MAN2C1: variants seen among roughly 807,000 people sequenced by gnomAD.
MAN2C1 encodes mannosidase alpha class 2C member 1.
Under a neutral mutation model 126.9 loss-of-function variants are expected in MAN2C1, and 111 were observed. That is an observed-to-expected ratio of 0.87 (90% CI 0.75 to 1.02). MAN2C1 has a LOEUF of 1.02. Ranked by LOEUF, MAN2C1 falls within the 50% of genes least tolerant of loss-of-function variation. MAN2C1 has a pLI of 0.00. For missense variants in MAN2C1, 1,363 were observed against 1,364.4 expected (o/e 1.00, Z 0.02); for synonymous variants, 567 against 561.5 (o/e 1.01, Z -0.14).
At chr15:75,367,753 T>G in intron 2 of MAN2C1, 119 bp from the exon 3 acceptor site, 1 of 1,326,630 alleles carries the variant, frequency 7.5e-7, no homozygotes, top group Non-Finnish European at 1.0e-6. Flanking sequence ...CACAAGGTAC[T>G]CAGCTTTGAG....
chr15:75,356,667 G>C lies in MAN2C1; in HGVS notation c.2676C>G (p.Ala892=). The change falls in exon 23 of 26, where the codon GCC becomes GCG. Residue 892 remains alanine, a synonymous_variant. Transcript: ENST00000267978. The surrounding 1 kb of genome is among the most constrained non-coding windows in gnomAD (Gnocchi z 5.8). ...GCCCCGTGTCAGCAGTAGCGTCCGGGGCTTTAGGCGCCCGCAAGCTGGGGT... is the reference window on the plus strand; with the variant it reads ...GCCCCGTGTCAGCAGTAGCGTCCGGCGCTTTAGGCGCCCGCAAGCTGGGGT... The part of the protein sequence containing the change: ...LSLSLLRAPK[A]PDATADTGRH... 1 of 1,587,568 alleles carries C rather than the reference G, an allele frequency of 6.3e-7. No homozygotes were observed. Among genetic ancestry groups the C allele is most frequent in the Admixed American group, 1.8e-5 (1 of 55,134 alleles).
rs1050877497 is a variant in MAN2C1 at position 75,368,368 on chromosome 15, C to T, written c.101+115G>A. ...CCTCCTCCCCGGCCCCTGCCCTGCCCGCGGCGGGCACTTTGTCCCGCGGCC... is the reference window on the plus strand; with the variant it reads ...CCTCCTCCCCGGCCCCTGCCCTGCCTGCGGCGGGCACTTTGTCCCGCGGCC... On this transcript the variant is annotated intron_variant, in intron 1 of 25. Transcript: ENST00000267978. The T allele has an allele frequency of 7.2e-6, 10 of 1,394,208 alleles. No homozygotes were observed. In the East Asian group the frequency reaches 1.5e-4, roughly 21 times the overall value. The allele number at this position is 1,394,208 out of a possible 1,614,324, so 86.4% of individuals were successfully genotyped here. A position where few individuals can be genotyped will look rare whatever the true frequency, so the allele number is the denominator to read the frequency against.
chr15:75,355,922 T>G lies in MAN2C1; in HGVS notation c.3107A>C (p.Gln1036Pro). Residue 1036 changes from glutamine (Q) to proline (P), a missense_variant, in exon 26 of 26, where the codon CAG becomes CCG. This residue lies in a region of MAN2C1 where 668 missense variants were observed against 650.1 expected (regional missense o/e 1.03). Transcript: ENST00000267978. ...CCCAGGGACTCAGTGTGGCGGAGGCTGAAGCACGAGCAACAGGGACAGCAC... is the reference window on the plus strand; with the variant it reads ...CCCAGGGACTCAGTGTGGCGGAGGCGGAAGCACGAGCAACAGGGACAGCAC... ...FQVLSLLLVL[Q>P]PPPH 6.2e-7 allele frequency: 1 copy of G among 1,614,098 alleles called. No individual in the cohort carries two copies. The highest frequency in any genetic ancestry group is 8.5e-7 in the Non-Finnish European group (1 of 1,180,024).
chr15:75,367,519 G>A lies in MAN2C1; in HGVS notation c.343C>T (p.Pro115Ser), dbSNP rs1229892973. The change falls in exon 3 of 26, where the codon CCT (proline) becomes TCT (serine). Residue 115 changes from proline (P) to serine (S), a missense_variant. Coordinates refer to ENST00000267978, the MANE Select transcript of MAN2C1 (RefSeq NM_006715.4). ...GEGLVWRDGE[P>S]VQGLTKEGEK... ...AGGACAGGGTTCCTCACCTGGACAG[G>A]TTCTCCATCACGCCACACCAGACCT... 6.2e-7 allele frequency: 1 copy of A among 1,613,912 alleles called. No individual in the cohort carries two copies. Among genetic ancestry groups the A allele is most frequent in the East Asian group, 2.2e-5 (1 of 44,880 alleles).
intron 18 of MAN2C1, 109 bp downstream of exon 18, chr15:75,358,950 C>A: frequency 6.6e-7 from 1 of 1,520,792 alleles, no homozygotes; most frequent in South Asian, 1.2e-5. Flanking sequence ...TGGGTTCCAG[C>A]CCAGAGCCAC....
Position 75,356,549 on chromosome 15 carries a change from G to T in MAN2C1, c.2737+57C>A. ...CCAGGTTGCTGGGGTTTGGGCTCAG[G>T]GAAGGGCAGAGAGGTGTCTAGGGCT... On this transcript the variant is annotated intron_variant, in intron 23 of 25. Coordinates refer to ENST00000267978, the MANE Select transcript of MAN2C1 (RefSeq NM_006715.4). The surrounding 1 kb of genome is among the most constrained non-coding windows in gnomAD (Gnocchi z 5.8). 6.4e-7 allele frequency: 1 copy of T among 1,550,494 alleles called. No individual in the cohort carries two copies. The highest frequency in any genetic ancestry group is 1.2e-5 in the South Asian group (1 of 84,600).
rs1445160438 is a variant in MAN2C1 at position 75,361,424 on chromosome 15, A to G, written c.1219-43T>C. On this transcript the variant is annotated intron_variant, in intron 10 of 25. Transcript: ENST00000267978. This position sits in a 1 kb window ranked among gnomAD's most constrained non-coding sequence, Gnocchi z 5.0. ...GAAGCAGGGCAGAGAGGCCAGAGTCAGGGCTGAGGCAGAGCCAGGCCTTCC... is the reference window on the plus strand; with the variant it reads ...GAAGCAGGGCAGAGAGGCCAGAGTCGGGGCTGAGGCAGAGCCAGGCCTTCC... The G allele has an allele frequency of 6.7e-7, 1 of 1,486,250 alleles. No homozygotes were observed. The allele number at this position is 1,486,250 out of a possible 1,614,324, so 92.1% of individuals were successfully genotyped here.
intron 4 of MAN2C1, among the ~76,000 whole-genome samples, chr15:75,365,271 T>C (rs1397934379): frequency 1.3e-5 from 2 of 151,394 alleles, no homozygotes; most frequent in African/African-American, 4.9e-5. Flanking sequence ...GGCTATTTTA[T>C]TCACCACCAT....
intron 21 of MAN2C1, chr15:75,357,291 A>C: frequency 5.8e-6 from 1 of 173,150 alleles, no homozygotes. Flanking sequence ...ATAACAGGAC[A>C]TGTGCCACCA....
chr15:75,356,533 T>C lies in MAN2C1; in HGVS notation c.2737+73A>G. The C allele has an allele frequency of 1.9e-6, 3 of 1,551,138 alleles. No homozygotes were observed. Among genetic ancestry groups the C allele is most frequent in the Non-Finnish European group, 2.6e-6 (3 of 1,145,916 alleles). The stretch of plus-strand genomic sequence containing the variant: ...TAGAAGGGGCAGGAAGCCAGGTTGC[T>C]GGGGTTTGGGCTCAGGGAAGGGCAG... On this transcript the variant is annotated intron_variant, in intron 23 of 25. Coordinates refer to ENST00000267978, the MANE Select transcript of MAN2C1 (RefSeq NM_006715.4). This position sits in a 1 kb window ranked among gnomAD's most constrained non-coding sequence, Gnocchi z 5.8.
Position 75,362,845 on chromosome 15 carries a change from G to A in MAN2C1, c.791-97C>T. The A allele has an allele frequency of 4.0e-6, 4 of 1,006,466 alleles. No individual in the cohort carries two copies. Among genetic ancestry groups the A allele is most frequent in the Non-Finnish European group, 6.1e-6 (4 of 652,668 alleles). The allele number at this position is 1,006,466 out of a possible 1,614,324, so 62.3% of individuals were successfully genotyped here. A position where few individuals can be genotyped will look rare whatever the true frequency, so the allele number is the denominator to read the frequency against. On this transcript the variant is annotated intron_variant, in intron 6 of 25. Coordinates refer to ENST00000267978, the MANE Select transcript of MAN2C1 (RefSeq NM_006715.4). This position sits in a 1 kb window ranked among gnomAD's most constrained non-coding sequence, Gnocchi z 4.5. ...GTCACCTAGCCCCCCTCCCATCCCA[G>A]GCCCTTCACCCTGGAAAGCCCTGTG... is the stretch of plus-strand genomic sequence containing the variant.
Position 75,367,511 on chromosome 15 carries a change from C to A in MAN2C1, c.351G>T (p.Gln117His). ...CTGGCCCTAGGACAGGGTTCCTCACCTGGACAGGTTCTCCATCACGCCACA... is the reference window on the plus strand; with the variant it reads ...CTGGCCCTAGGACAGGGTTCCTCACATGGACAGGTTCTCCATCACGCCACA... ...GLVWRDGEPV[Q>H]GLTKEGEKTS... The change falls in exon 3 of 26, where the codon CAG becomes CAT. Residue 117 changes from glutamine (Q) to histidine (H), a missense_variant and splice_region_variant. Gln to His is a conservative substitution (Grantham distance 24). This residue lies in a region of MAN2C1 where 628 missense variants were observed against 609.8 expected (regional missense o/e 1.03). Coordinates refer to ENST00000267978, the MANE Select transcript of MAN2C1 (RefSeq NM_006715.4). 9.3e-6 allele frequency: 15 copies of A among 1,613,844 alleles called. No individual in the cohort carries two copies. The highest frequency in any genetic ancestry group is 1.3e-5 in the Non-Finnish European group (15 of 1,179,836).
At chr15:75,366,063 G>A (rs967600610) in intron 4 of MAN2C1, 13 of 321,772 alleles carry the variant, frequency 4.0e-5, no homozygotes, top group Middle Eastern at 4.1e-4. Flanking sequence ...CTCCAGCATC[G>A]GCGACAGAGG....
intron 1 of MAN2C1, 27 bp downstream of exon 1, chr15:75,368,452 TCGGC>T: frequency 6.5e-7 from 1 of 1,538,216 alleles, no homozygotes; most frequent in Non-Finnish European, 8.8e-7. Context: ...ACGGTTGCGG[TCGGC>T]CGGCTGCGGG....
intron 21 of MAN2C1, 113 bp from the exon 22 acceptor site, chr15:75,357,015 C>A: frequency 1.2e-6 from 1 of 816,324 alleles, no homozygotes; most frequent in Admixed American, 2.2e-5. Flanking sequence ...CACAACTGAA[C>A]TCCAGCTCCC....
Position 75,368,140 on chromosome 15 carries a change from GTC to G in MAN2C1, c.158_159del (p.Arg53ThrfsTer51). 1 of 1,605,584 alleles carries G rather than the reference GTC, an allele frequency of 6.2e-7. No homozygotes were observed. The highest frequency in any genetic ancestry group is 8.5e-7 in the Non-Finnish European group (1 of 1,177,218). Reference protein sequence around the residue: ...AVLSSFLTPERLPYQEAVQRD... With the variant: ...AVLSSFLTPEXLPYQEAVQRD... The stretch of plus-strand genomic sequence containing the variant: ...CGCTGGACTGCCTCCTGGTAGGGAA[GTC>G]TCTCCGGCGTCAGGAAGCTGGAGAG... On this transcript the variant is annotated frameshift_variant, in exon 2 of 26. Transcript: ENST00000267978. LOFTEE classifies it high-confidence loss of function.
chr15:75,356,778 G>T lies in MAN2C1; in HGVS notation c.2657+15C>A. The T allele has an allele frequency of 1.2e-6, 2 of 1,613,832 alleles. No individual in the cohort carries two copies. Among genetic ancestry groups the T allele is most frequent in the Non-Finnish European group, 1.7e-6 (2 of 1,179,898 alleles). ...CTCCATGCCAGCTCCCAGGCCTGGT[G>T]GGTACCCCACTTACAGCGAGAGGCT... On this transcript the variant is annotated intron_variant, in intron 22 of 25. Transcript: ENST00000267978. This position sits in a 1 kb window ranked among gnomAD's most constrained non-coding sequence, Gnocchi z 5.8.
Position 75,362,515 on chromosome 15 carries a change from T to C in MAN2C1, c.898-62A>G. The C allele has an allele frequency of 6.6e-7, 1 of 1,518,798 alleles. No individual in the cohort carries two copies. The highest frequency in any genetic ancestry group is 9.0e-7 in the Non-Finnish European group (1 of 1,109,230). 94.1% of individuals were successfully genotyped at this position (1,518,798 alleles called of 1,614,324 possible). On this transcript the variant is annotated intron_variant, in intron 7 of 25. Transcript: ENST00000267978. This position sits in a 1 kb window ranked among gnomAD's most constrained non-coding sequence, Gnocchi z 4.5. The stretch of plus-strand genomic sequence containing the variant: ...CAAGGGCCCCACCCAGGACTGAGCA[T>C]ATGGGACTCAGTGTGTGGCTGAGGG...
intron 21 of MAN2C1, 153 bp from the exon 22 acceptor site, chr15:75,357,055 A>C: frequency 1.6e-6 from 1 of 620,214 alleles, no homozygotes; most frequent in Non-Finnish European, 2.9e-6. Flanking sequence ...ATGCCACCCA[A>C]CCTGCCTAAG....
Sources: allele counts gnomAD v4.1 joint callset (sites outside exome capture counted in the v4.1 genomes callset), GRCh38; gene constraint gnomAD v4.1.1; regional missense constraint gnomAD v4.1.1; non-coding constraint Gnocchi (gnomAD v3.1); transcripts MANE v1.5; gene names NCBI Gene and HGNC (gene_info 2026-07-23, HGNC 2026-07-21).